LEPR: variants seen among roughly 807,000 people sequenced by gnomAD.
The protein encoded by LEPR is leptin receptor.
Under a neutral mutation model 114.7 loss-of-function variants are expected in LEPR, and 56 were observed. The observed-to-expected ratio is 0.49, with a 90% CI of 0.39 to 0.61. The LOEUF is 0.61. LEPR is among the 20% of genes least tolerant of loss of function. LEPR has a pLI of 0.00. For synonymous variants in LEPR, 443 were observed against 461.4 expected, an observed-to-expected ratio of 0.96 and a Z score of 0.51; for missense variants, 1,202 against 1,352.9, an observed-to-expected ratio of 0.89 and a Z score of 1.75.
At chr1:65,520,087 TCTC>T (rs1649554544) in intron 2 of LEPR, among the ~76,000 whole-genome samples, 1 of 152,146 alleles carries the variant, frequency 6.6e-6, no homozygotes, top group Non-Finnish European at 1.5e-5. Flanking sequence ...ATGGTCTCGA[TCTC>T]CTGACCTCGT....
At chr1:65,518,975 T>C (rs1649474425) in intron 2 of LEPR, among the ~76,000 whole-genome samples, 2 of 96,580 alleles carry the variant, frequency 2.1e-5, no homozygotes, top group Admixed American at 1.1e-4. Flanking sequence ...TTTCTTTTTC[T>C]CTCTCTCTTT....
At chr1:65,606,022 T>C (rs556107037) in intron 11 of LEPR, among the ~76,000 whole-genome samples, 1 of 152,288 alleles carries the variant, frequency 6.6e-6, no homozygotes, top group South Asian at 2.1e-4. Flanking sequence ...CATGTTAGAA[T>C]AATGTTCCAT....
At chr1:65,558,549 G>GTTTTTTTTTTTTTT (rs1189982161) in intron 2 of LEPR, among the ~76,000 whole-genome samples, 1 of 9,126 alleles carries the variant, frequency 1.1e-4, no homozygotes, top group Non-Finnish European at 1.9e-4. Context: ...TTTTTTTTTT[G>GTTTTTTTTTTTTTT]TTTTTTTTTT....
intron 2 of LEPR, among the ~76,000 whole-genome samples, chr1:65,498,572 A>G (rs1326119794): frequency 1.3e-5 from 2 of 152,146 alleles, no homozygotes; most frequent in Non-Finnish European, 2.9e-5. Flanking sequence ...GGAGGAATGG[A>G]AAAAATAGAC....
At chr1:65,593,173 G>GAAA (rs1655825081) in intron 6 of LEPR, among the ~76,000 whole-genome samples, 1 of 117,952 alleles carries the variant, frequency 8.5e-6, no homozygotes, top group African/African-American at 3.2e-5. Flanking sequence ...GAAAATAGTA[G>GAAA]CATGTTTCTT....
At chr1:65,574,248 A>G (rs1226222133) in intron 5 of LEPR, among the ~76,000 whole-genome samples, 2 of 152,200 alleles carry the variant, frequency 1.3e-5, no homozygotes, top group African/African-American at 4.8e-5. Flanking sequence ...AGTGTTGGGA[A>G]GAGATCAGTA....
chr1:65,440,805 G>C (rs1277238217), intron 2 of LEPR, among the ~76,000 whole-genome samples: 1 of 152,122 alleles, frequency 6.6e-6, no homozygotes, highest in Non-Finnish European at 1.5e-5. Context: ...AGCAGGAGTG[G>C]CCTGATTATG....
intron 2 of LEPR, among the ~76,000 whole-genome samples, chr1:65,518,716 A>C (rs1278029950): frequency 6.6e-6 from 1 of 152,200 alleles, no homozygotes; most frequent in Non-Finnish European, 1.5e-5. Context: ...TGCTTTCCAC[A>C]TAACTGCAGG....
intron 2 of LEPR, among the ~76,000 whole-genome samples, chr1:65,479,574 G>A (rs1472806839): frequency 1.3e-5 from 2 of 152,196 alleles, no homozygotes; most frequent in Admixed American, 6.5e-5. Context: ...CAGAGGTAGA[G>A]CAGTAGTTTA....
At chr1:65,431,241 G>A (rs1646478755) in intron 2 of LEPR, among the ~76,000 whole-genome samples, 1 of 152,116 alleles carries the variant, frequency 6.6e-6, no homozygotes, top group Non-Finnish European at 1.5e-5. Flanking sequence ...ATTTTGTGAA[G>A]AAACTTTCAT....
intron 19 of LEPR, among the ~76,000 whole-genome samples, chr1:65,624,622 G>A (rs1185134000): frequency 2.6e-5 from 4 of 152,138 alleles, no homozygotes; most frequent in South Asian, 2.1e-4. Context: ...ATGCAAGACC[G>A]AAATGAAAGA....
In LEPR at chr1:65,619,989, G is replaced by A. The variant is rs1353732753; in HGVS notation, c.2457G>A (p.Val819=). The change falls in exon 17 of 20, where the codon GTG becomes GTA. Residue 819 remains valine, a synonymous_variant. Transcript: ENST00000349533. The part of the protein sequence containing the change: ...FSLYPIFMEG[V]GKPKIINSFT... ...TTTACCCAATATTTATGGAAGGAGT[G>A]GGAAAACCAAAGATAATTAATAGTT... 2 of 1,611,914 alleles carry A rather than the reference G, an allele frequency of 1.2e-6. No individual in the cohort carries two copies. The highest frequency in any genetic ancestry group is 3.3e-5 in the Admixed American group (2 of 59,954).
chr1:65,463,911 A>T (rs967481956), intron 2 of LEPR, among the ~76,000 whole-genome samples: 1 of 152,178 alleles, frequency 6.6e-6, no homozygotes, highest in Non-Finnish European at 1.5e-5. Flanking sequence ...TTATCAGCTT[A>T]AGGAGATTTT....
At chr1:65,513,071 C>A (rs1335011251) in intron 2 of LEPR, among the ~76,000 whole-genome samples, 1 of 152,196 alleles carries the variant, frequency 6.6e-6, no homozygotes, top group Non-Finnish European at 1.5e-5. Flanking sequence ...GTTTGAAAAG[C>A]TTCAGAGAAC....
At chr1:65,520,612 C>T (rs192491379) in intron 2 of LEPR, among the ~76,000 whole-genome samples, 35 of 152,178 alleles carry the variant, frequency 2.3e-4, no homozygotes, top group Admixed American at 9.2e-4. Context: ...CCTAACCCAG[C>T]GGCGCTAGAA....
Position 65,612,547 on chromosome 1 carries a change from A to G in LEPR, c.1995+2251A>G, listed in dbSNP as rs113146729. ...TCTTTGTTTTTATGAACTTGACACA[A>G]TTGAGAAGTACTGGTCGGGTATTTT... On this transcript the variant is annotated intron_variant, in intron 14 of 19. Coordinates refer to ENST00000349533, the MANE Select transcript of LEPR (RefSeq NM_002303.6). Among the ~76,000 whole-genome samples, 1,037 of 152,022 alleles carry G rather than the reference A, an allele frequency of 6.8e-3. 9 individuals carry two copies. The highest frequency in any genetic ancestry group is 0.011 in the South Asian group (55 of 4,806).
chr1:65,455,696 AGG>A, intron 2 of LEPR, among the ~76,000 whole-genome samples: 1 of 152,330 alleles, frequency 6.6e-6, no homozygotes, highest in African/African-American at 2.4e-5. Context: ...GCTGTCAGAC[AGG>A]GACATTTAAG....
chr1:65,634,202 A>C, intron 19 of LEPR: 1 of 978,736 alleles, frequency 1.0e-6, no homozygotes, highest in South Asian at 4.7e-5. Flanking sequence ...TCAGTATTCA[A>C]ATTTATTATA....
chr1:65,499,767 C>G (rs1648347513), intron 2 of LEPR, among the ~76,000 whole-genome samples: 1 of 152,156 alleles, frequency 6.6e-6, no homozygotes, highest in South Asian at 2.1e-4. Context: ...GTCTACAGCT[C>G]ATCGATGTTT....
Sources: gnomAD v4.1 joint callset for allele counts (sites outside exome capture counted in the v4.1 genomes callset) on GRCh38, gnomAD v4.1.1 for gene constraint, MANE v1.5 for transcripts, NCBI Gene and HGNC (gene_info 2026-07-23, HGNC 2026-07-21) for gene names.